The following TMEM117 variants were observed in gnomAD, a reference collection of about 807,000 sequenced individuals.
TMEM117 encodes the protein transmembrane protein 117.
TMEM117 carries 27 observed loss-of-function variants against 52.4 expected under a neutral mutation model. That is an observed-to-expected ratio of 0.51 (90% confidence interval 0.38 to 0.71). The LOEUF is 0.71. Among genes scored for constraint, TMEM117 ranks in the 30% least tolerant of loss-of-function variants. The probability of loss-of-function intolerance (pLI) is 0.00; values close to 1 mark genes in which losing one functional copy is unlikely to be tolerated. For synonymous variants in TMEM117, 215 were observed against 206.3 expected, an observed-to-expected ratio of 1.04 and a Z score of -0.36; for missense variants, 556 against 630.5, an observed-to-expected ratio of 0.88 and a Z score of 1.26.
intron 3 of TMEM117, among the ~76,000 whole-genome samples, chr12:43,978,535 C>T (rs780090470): frequency 3.3e-5 from 5 of 152,064 alleles, no homozygotes; most frequent in Non-Finnish European, 7.4e-5. Flanking sequence ...CCAGAGCTGT[C>T]AGTAAAAGGT....
intron 3 of TMEM117, among the ~76,000 whole-genome samples, chr12:44,090,385 T>G (rs1947642906): frequency 6.7e-6 from 1 of 149,738 alleles, no homozygotes. Context: ...GCCCCTTTTA[T>G]TTTTATCTTA....
chr12:44,169,397 G>T (rs906098602), intron 4 of TMEM117, among the ~76,000 whole-genome samples: 1 of 152,174 alleles, frequency 6.6e-6, no homozygotes, highest in East Asian at 1.9e-4. Context: ...TCTGTCAGGT[G>T]TGAAGTCGTG....
chr12:43,879,134 A>T (rs963860612), intron 2 of TMEM117, among the ~76,000 whole-genome samples: 1 of 152,178 alleles, frequency 6.6e-6, no homozygotes, highest in Non-Finnish European at 1.5e-5. Context: ...TTATCAAAGG[A>T]TATACTGAAA....
chr12:44,175,060 G>T (rs1423449935), intron 4 of TMEM117, among the ~76,000 whole-genome samples: 2 of 152,178 alleles, frequency 1.3e-5, no homozygotes, highest in African/African-American at 2.4e-5. Flanking sequence ...GAAGGACCAG[G>T]CTTTACAGAT....
intron 3 of TMEM117, among the ~76,000 whole-genome samples, chr12:44,049,775 C>T (rs781283513): frequency 6.6e-6 from 1 of 152,094 alleles, no homozygotes; most frequent in African/African-American, 2.4e-5. Flanking sequence ...TAAAAAGTGA[C>T]ATCAAGCATA....
intron 3 of TMEM117, among the ~76,000 whole-genome samples, chr12:44,090,051 A>G (rs1441334579): frequency 1.3e-5 from 2 of 152,200 alleles, no homozygotes; most frequent in African/African-American, 2.4e-5. Flanking sequence ...TTGATCAACT[A>G]GACTATAAAT....
chr12:43,924,481 A>T (rs1944746691), intron 2 of TMEM117, among the ~76,000 whole-genome samples: 1 of 152,206 alleles, frequency 6.6e-6, no homozygotes, highest in Admixed American at 6.5e-5. Context: ...CATTTACTAC[A>T]TAAAAGTTGC....
At chr12:44,127,864 G>T (rs370653492) in intron 3 of TMEM117, among the ~76,000 whole-genome samples, 1 of 152,084 alleles carries the variant, frequency 6.6e-6, no homozygotes. Context: ...AGTTGCATAA[G>T]CCAGTTCCCT....
intron 5 of TMEM117, among the ~76,000 whole-genome samples, chr12:44,295,420 G>A (rs1360696908): frequency 1.3e-5 from 2 of 151,980 alleles, no homozygotes; most frequent in Non-Finnish European, 2.9e-5. Context: ...TGTTGCCCAG[G>A]CTGGTCTCGA....
chr12:43,820,971 T>G, the TMEM117 span, among the ~76,000 whole-genome samples: 1 of 151,710 alleles, frequency 6.6e-6, no homozygotes, highest in Non-Finnish European at 1.5e-5. Context: ...GGCGGACGCC[T>G]CCAGTCCCAG....
At chr12:44,339,656 C>G (rs181464335) in intron 6 of TMEM117, among the ~76,000 whole-genome samples, 1 of 151,682 alleles carries the variant, frequency 6.6e-6, no homozygotes, top group Admixed American at 6.6e-5. Flanking sequence ...CATTTATAAG[C>G]AATCAAAAAA....
intron 4 of TMEM117, among the ~76,000 whole-genome samples, chr12:44,156,300 TAAATG>T (rs1262452410): frequency 1.2e-4 from 19 of 152,094 alleles, no homozygotes; most frequent in South Asian, 6.2e-4. Context: ...GTGGAAATCT[TAAATG>T]AATACAAATA....
chr12:44,032,299 T>C (rs569858758), intron 3 of TMEM117, among the ~76,000 whole-genome samples: 3 of 152,372 alleles, frequency 2.0e-5, no homozygotes, highest in African/African-American at 7.2e-5. Flanking sequence ...AAATTGGAGA[T>C]AGAAATATTA....
At chr12:43,870,320 T>C in intron 2 of TMEM117, among the ~76,000 whole-genome samples, 1 of 150,880 alleles carries the variant, frequency 6.6e-6, no homozygotes, top group East Asian at 2.0e-4. Context: ...AGTGCAGTGG[T>C]GTGATCTCGG....
chr12:43,891,964 CTT>C (rs1328642980), intron 2 of TMEM117, among the ~76,000 whole-genome samples: 1 of 152,268 alleles, frequency 6.6e-6, no homozygotes, highest in East Asian at 1.9e-4. Flanking sequence ...ATATCTCTCT[CTT>C]GGACCATTGC....
At position 44,281,326 on chromosome 12, in the gene TMEM117, G is replaced by A. The variant is rs538119166; in HGVS notation, c.609-18254G>A. On this transcript the variant is annotated intron_variant, in intron 5 of 7. Transcript: ENST00000266534. Reference sequence around the variant, plus strand: ...TGCCTTCCTAGCCATTATGTCATGCGGCCCTTATCATGGAAAACATTGTCT... The same window carrying A: ...TGCCTTCCTAGCCATTATGTCATGCAGCCCTTATCATGGAAAACATTGTCT... Among the ~76,000 whole-genome samples, 8 of 151,516 alleles carry A rather than the reference G, an allele frequency of 5.3e-5. No homozygotes were observed. The South Asian group carries it at 8.4e-4, about 16-fold the overall frequency.
intron 1 of TMEM117, 124 bp downstream of exon 1, chr12:43,836,320 A>C (rs1480910471): frequency 6.6e-6 from 1 of 152,344 alleles, no homozygotes; most frequent in Non-Finnish European, 1.5e-5. Context: ...CGAGTGCGGA[A>C]GCAGCCGCGG....
At chr12:43,819,644 G>A in the TMEM117 span, among the ~76,000 whole-genome samples, 1 of 152,064 alleles carries the variant, frequency 6.6e-6, no homozygotes, top group Non-Finnish European at 1.5e-5. Context: ...GTGGTGGCGC[G>A]CGCCTGTAGT....
At chr12:44,009,539 A>G in intron 3 of TMEM117, 2 of 219,798 alleles carry the variant, frequency 9.1e-6, no homozygotes, top group Non-Finnish European at 1.9e-5. Flanking sequence ...AGCATACAAG[A>G]CTCTTTCATA....
Sources: gnomAD v4.1 joint callset for allele counts (sites outside exome capture counted in the v4.1 genomes callset) on GRCh38, gnomAD v4.1.1 for gene constraint, MANE v1.5 for transcripts, NCBI Gene and HGNC (gene_info 2026-07-23, HGNC 2026-07-21) for gene names.